The following CNTNAP2 variants were observed in gnomAD, a reference collection of about 807,000 sequenced individuals.
The protein encoded by CNTNAP2 is contactin associated protein 2.
A neutral mutation model predicts 155.2 loss-of-function variants in CNTNAP2; 98 were observed. The ratio of observed to expected loss-of-function variants is 0.63; its 90% CI spans 0.54 to 0.75. CNTNAP2 has a LOEUF of 0.75. Among genes scored for constraint, CNTNAP2 ranks in the 30% least tolerant of loss-of-function variants. The probability of loss-of-function intolerance (pLI) is 0.00; values close to 1 mark genes in which losing one functional copy is unlikely to be tolerated. For missense variants in CNTNAP2, 1,727 were observed against 1,688.1 expected (o/e 1.02, Z -0.40); for synonymous variants, 651 against 631.2 (o/e 1.03, Z -0.47).
At chr7:146,821,066 GT>G (rs1299788555) in intron 2 of CNTNAP2, among the ~76,000 whole-genome samples, 1 of 152,024 alleles carries the variant, frequency 6.6e-6, no homozygotes, top group Non-Finnish European at 1.5e-5. Context: ...GTGTCTGCAC[GT>G]GAGATGGGTT....
chr7:147,982,827 G>A (rs866399370), intron 15 of CNTNAP2, among the ~76,000 whole-genome samples: 7 of 151,708 alleles, frequency 4.6e-5, no homozygotes, highest in African/African-American at 1.5e-4. Flanking sequence ...AGGACAGCCT[G>A]GCCAACATGG....
intron 21 of CNTNAP2, among the ~76,000 whole-genome samples, chr7:148,310,893 G>A (rs1001579494): frequency 2.0e-5 from 3 of 152,134 alleles, no homozygotes; most frequent in African/African-American, 7.2e-5. Flanking sequence ...GTGAGAAAAC[G>A]TTGAGTATCT....
chr7:147,869,320 A>T (rs1238216360), intron 13 of CNTNAP2, among the ~76,000 whole-genome samples: 3 of 152,266 alleles, frequency 2.0e-5, no homozygotes, highest in Non-Finnish European at 4.4e-5. Context: ...GGTATAAAGT[A>T]GGATGATAGT....
intron 2 of CNTNAP2, among the ~76,000 whole-genome samples, chr7:146,839,145 T>G (rs995598003): frequency 2.0e-5 from 3 of 152,164 alleles, no homozygotes; most frequent in African/African-American, 7.2e-5. Context: ...ATCTTCTAAG[T>G]GTTAAATAAA....
chr7:146,140,344 C>T (rs1003456671), intron 1 of CNTNAP2, among the ~76,000 whole-genome samples: 8 of 152,076 alleles, frequency 5.3e-5, no homozygotes, highest in Non-Finnish European at 1.0e-4. Flanking sequence ...ATCTCCTATT[C>T]ATGCACACTG....
chr7:148,417,039 G>A lies in CNTNAP2; in HGVS notation c.*1423G>A, dbSNP rs866829196. ...TTACACAAAAATTATTTCCAGAAAG[G>A]CTACCATTTATCATCATTATATTTC... On this transcript the variant is annotated 3_prime_UTR_variant, in exon 24 of 24. Coordinates refer to ENST00000361727, the MANE Select transcript of CNTNAP2 (RefSeq NM_014141.6). The A allele has an allele frequency of 7.3e-6, 1 of 136,998 alleles. No individual in the cohort carries two copies. Among genetic ancestry groups the A allele is most frequent in the Non-Finnish European group, 1.5e-5 (1 of 67,362 alleles). 8.5% of individuals were successfully genotyped at this position (136,998 alleles called of 1,614,324 possible).
chr7:147,543,515 G>A (rs530604976), intron 11 of CNTNAP2, among the ~76,000 whole-genome samples: 121 of 152,270 alleles, frequency 7.9e-4, no homozygotes, highest in African/African-American at 2.7e-3. Flanking sequence ...GAAGATTAAT[G>A]TGAAAGTTTT....
intron 11 of CNTNAP2, among the ~76,000 whole-genome samples, chr7:147,542,608 A>G (rs1212130020): frequency 6.6e-6 from 1 of 152,220 alleles, no homozygotes; most frequent in African/African-American, 2.4e-5. Flanking sequence ...ATGTTAAGAT[A>G]CCTTAACTGT....
intron 11 of CNTNAP2, among the ~76,000 whole-genome samples, chr7:147,508,029 C>T (rs957370889): frequency 6.6e-6 from 1 of 152,122 alleles, no homozygotes; most frequent in African/African-American, 2.4e-5. Context: ...TCAACATATG[C>T]ACTTACCCTT....
chr7:147,030,735 A>G (rs1322768404), intron 3 of CNTNAP2, among the ~76,000 whole-genome samples: 1 of 152,108 alleles, frequency 6.6e-6, no homozygotes, highest in Non-Finnish European at 1.5e-5. Context: ...AAGTTATATT[A>G]AGGCCAGGCA....
intron 1 of CNTNAP2, among the ~76,000 whole-genome samples, chr7:146,492,572 G>A (rs1164561812): frequency 2.6e-5 from 4 of 152,132 alleles, no homozygotes; most frequent in Non-Finnish European, 5.9e-5. Context: ...AAAGCAACTT[G>A]TACGCAACTC....
At chr7:147,486,585 TAA>T (rs766852676) in intron 11 of CNTNAP2, among the ~76,000 whole-genome samples, 4 of 151,880 alleles carry the variant, frequency 2.6e-5, no homozygotes, top group South Asian at 2.1e-4. Flanking sequence ...AATGAAGACA[TAA>T]GAGGGTAAAA....
intron 1 of CNTNAP2, among the ~76,000 whole-genome samples, chr7:146,499,454 T>C (rs1213629901): frequency 6.6e-6 from 1 of 152,206 alleles, no homozygotes; most frequent in Non-Finnish European, 1.5e-5. Flanking sequence ...CTGTCTTTAT[T>C]ATTGTAATTT....
chr7:146,708,868 G>A (rs374595783), intron 1 of CNTNAP2, among the ~76,000 whole-genome samples: 12 of 151,948 alleles, frequency 7.9e-5, no homozygotes, highest in African/African-American at 1.9e-4. Context: ...GATTACAGGC[G>A]TGAACCACTG....
intron 11 of CNTNAP2, among the ~76,000 whole-genome samples, chr7:147,548,247 C>T (rs897241463): frequency 1.3e-5 from 2 of 152,182 alleles, no homozygotes; most frequent in Non-Finnish European, 2.9e-5. Flanking sequence ...TCCTATTTCT[C>T]CACAGCCTCA....
chr7:148,273,654 G>A (rs966129968), intron 21 of CNTNAP2, among the ~76,000 whole-genome samples: 20 of 152,286 alleles, frequency 1.3e-4, no homozygotes, highest in African/African-American at 4.8e-4. Flanking sequence ...GAATACTAAT[G>A]CAGTGTCGTT....
At chr7:148,281,002 T>G (rs1796965426) in intron 21 of CNTNAP2, among the ~76,000 whole-genome samples, 1 of 152,050 alleles carries the variant, frequency 6.6e-6, no homozygotes, top group Non-Finnish European at 1.5e-5. Flanking sequence ...CATTTATTCA[T>G]GGGATATTTA....
intron 9 of CNTNAP2, among the ~76,000 whole-genome samples, chr7:147,350,672 T>C (rs930622286): frequency 1.3e-5 from 2 of 151,786 alleles, no homozygotes; most frequent in Non-Finnish European, 3.0e-5. Context: ...TGCCTTACAG[T>C]ACCCTATTGT....
intron 1 of CNTNAP2, among the ~76,000 whole-genome samples, chr7:146,216,288 G>A (rs1799111741): frequency 6.6e-6 from 1 of 152,314 alleles, no homozygotes; most frequent in Non-Finnish European, 1.5e-5. Flanking sequence ...GGAGATATGA[G>A]TGGAGAACAA....
Sources: allele counts gnomAD v4.1 joint callset (sites outside exome capture counted in the v4.1 genomes callset), GRCh38; gene constraint gnomAD v4.1.1; transcripts MANE v1.5; gene names NCBI Gene and HGNC (gene_info 2026-07-23, HGNC 2026-07-21).